The following COP1 variants were observed in gnomAD, a reference collection of about 807,000 sequenced individuals.
COP1 encodes COP1 E3 ubiquitin ligase, also known as E3 ubiquitin-protein ligase COP1.
COP1 carries 24 observed loss-of-function variants against 101.3 expected under a neutral mutation model. The ratio of observed to expected loss-of-function variants is 0.24; its 90% confidence interval spans 0.17 to 0.33. The LOEUF is 0.33. COP1 is among the 10% of genes least tolerant of loss of function. COP1 has a pLI of 1.00. For synonymous variants in COP1, 347 were observed against 341.9 expected (o/e 1.01, Z -0.17); for missense variants, 663 against 906.2 (o/e 0.73, Z 3.45).
intron 18 of COP1, among the ~76,000 whole-genome samples, chr1:175,955,088 A>G (rs1294793711): frequency 2.6e-5 from 4 of 152,006 alleles, no homozygotes; most frequent in Non-Finnish European, 4.4e-5. Context: ...TCTATCAAAA[A>G]CACAAAAAAT....
intron 15 of COP1, among the ~76,000 whole-genome samples, chr1:176,013,137 T>A (rs1400821285): frequency 6.6e-6 from 1 of 152,188 alleles, no homozygotes; most frequent in Non-Finnish European, 1.5e-5. Flanking sequence ...ATGTAAATAA[T>A]TGTTATACTG....
At chr1:176,040,233 C>T (rs1034000076) in intron 14 of COP1, among the ~76,000 whole-genome samples, 1 of 151,854 alleles carries the variant, frequency 6.6e-6, no homozygotes, top group Non-Finnish European at 1.5e-5. Flanking sequence ...TACTTTCTTG[C>T]TCTTTCTTCT....
At chr1:176,082,431 T>G (rs1405112586) in intron 10 of COP1, among the ~76,000 whole-genome samples, 3 of 152,106 alleles carry the variant, frequency 2.0e-5, no homozygotes, top group Admixed American at 2.0e-4. Flanking sequence ...AGTAAAGAAT[T>G]TATGTTATCT....
chr1:176,139,932 G>A (rs916868202), intron 6 of COP1, among the ~76,000 whole-genome samples: 2 of 152,076 alleles, frequency 1.3e-5, no homozygotes, highest in Admixed American at 6.6e-5. Flanking sequence ...ACCCGTACAT[G>A]TACTCCCTGA....
intron 11 of COP1, among the ~76,000 whole-genome samples, chr1:176,047,167 T>C (rs1045731902): frequency 6.6e-6 from 1 of 152,156 alleles, no homozygotes; most frequent in African/African-American, 2.4e-5. Flanking sequence ...TCACATACAT[T>C]ATTCCTCAAT....
chr1:176,154,826 G>A (rs1693202677), intron 5 of COP1, among the ~76,000 whole-genome samples: 2 of 152,062 alleles, frequency 1.3e-5, no homozygotes, highest in South Asian at 4.1e-4. Context: ...GAAACTAGAC[G>A]ATGACGGTAT....
intron 1 of COP1, among the ~76,000 whole-genome samples, chr1:176,186,473 G>A (rs569088937): frequency 2.6e-5 from 4 of 152,190 alleles, no homozygotes; most frequent in East Asian, 1.9e-4. Flanking sequence ...CACAGCAGGC[G>A]AAGCTGCAGT....
At chr1:176,165,143 G>A (rs1694898621) in intron 3 of COP1, among the ~76,000 whole-genome samples, 1 of 152,172 alleles carries the variant, frequency 6.6e-6, no homozygotes, top group Non-Finnish European at 1.5e-5. Context: ...TAGCAAGACA[G>A]ATGCATATGA....
chr1:176,058,178 T>G (rs1218812841), intron 11 of COP1, among the ~76,000 whole-genome samples: 308 of 12,382 alleles, frequency 0.025, 4 homozygotes, highest in African/African-American at 0.031. Context: ...CCCCGCCCGG[T>G]AGGGAGGGGG....
At chr1:176,106,393 T>C (rs61821005) in intron 9 of COP1, among the ~76,000 whole-genome samples, 8,900 of 152,216 alleles carry the variant, frequency 0.058, 382 homozygotes, top group Middle Eastern at 0.12. Flanking sequence ...CAAACCTCCT[T>C]CTTGCCTGGC....
At chr1:176,005,091 G>A (rs768422084) in intron 15 of COP1, among the ~76,000 whole-genome samples, 3 of 152,168 alleles carry the variant, frequency 2.0e-5, no homozygotes, top group Non-Finnish European at 4.4e-5. Context: ...GAGGGTGTAT[G>A]TGTCGAGGAA....
At chr1:176,033,712 T>TA (rs1227582877) in intron 14 of COP1, among the ~76,000 whole-genome samples, 1 of 152,138 alleles carries the variant, frequency 6.6e-6, no homozygotes, top group African/African-American at 2.4e-5. Flanking sequence ...CGTGCATATA[T>TA]ACTTGGAACT....
At chr1:176,008,889 G>A (rs180844607) in intron 15 of COP1, among the ~76,000 whole-genome samples, 13 of 152,190 alleles carry the variant, frequency 8.5e-5, no homozygotes, top group African/African-American at 2.9e-4. Flanking sequence ...TTGTTCCTGG[G>A]TCAGCAACAC....
At chr1:175,960,177 C>A (rs1231557226) in intron 18 of COP1, among the ~76,000 whole-genome samples, 1 of 152,042 alleles carries the variant, frequency 6.6e-6, no homozygotes, top group Non-Finnish European at 1.5e-5. Flanking sequence ...ATCTGTATTC[C>A]TAAAATCAAA....
chr1:176,149,583 T>C (rs931179434), intron 5 of COP1, among the ~76,000 whole-genome samples: 2 of 152,148 alleles, frequency 1.3e-5, no homozygotes, highest in African/African-American at 2.4e-5. Flanking sequence ...CTATGGAAGA[T>C]TTCAGGCAAA....
chr1:176,164,474 A>G (rs534599030), intron 3 of COP1, among the ~76,000 whole-genome samples: 13 of 152,290 alleles, frequency 8.5e-5, no homozygotes, highest in African/African-American at 2.9e-4. Flanking sequence ...CTAGTCATTC[A>G]TGCCCTTGCC....
At chr1:175,997,197 T>G (rs1214512017) in intron 15 of COP1, among the ~76,000 whole-genome samples, 2 of 150,266 alleles carry the variant, frequency 1.3e-5, no homozygotes, top group Non-Finnish European at 3.0e-5. Context: ...GCTAGCCATA[T>G]GTAGAAAGCT....
chr1:175,998,758 T>A (rs980298216), intron 15 of COP1, among the ~76,000 whole-genome samples: 5 of 152,098 alleles, frequency 3.3e-5, no homozygotes, highest in Non-Finnish European at 5.9e-5. Context: ...TTCTCTTCCC[T>A]CATACACATT....
intron 18 of COP1, among the ~76,000 whole-genome samples, chr1:175,980,229 A>T (rs879709631): frequency 0.11 from 16,186 of 151,730 alleles, 960 homozygotes; most frequent in Middle Eastern, 0.16. Flanking sequence ...TCTTACTCAA[A>T]ATACTATGAT....
Sources: allele counts gnomAD v4.1 joint callset (sites outside exome capture counted in the v4.1 genomes callset), GRCh38; gene constraint gnomAD v4.1.1; transcripts MANE v1.5; gene names NCBI Gene and HGNC (gene_info 2026-07-23, HGNC 2026-07-21).